The following GRXCR2 variants were observed in gnomAD, a reference collection of about 807,000 sequenced individuals.
The protein encoded by GRXCR2 is glutaredoxin and cysteine rich domain containing 2.
In GRXCR2, 23 loss-of-function variants were observed where a neutral mutation model predicts 24.8. The observed-to-expected ratio is 0.93, with a 90% confidence interval of 0.67 to 1.32. The LOEUF (loss-of-function observed/expected upper bound fraction) is 1.32, where lower values mean the gene tolerates loss of function less well. Ranked by LOEUF, GRXCR2 falls within the 40% of genes most tolerant of loss-of-function variation. The pLI is 0.00. For missense variants in GRXCR2, 315 were observed against 303.4 expected (o/e 1.04, Z -0.28); for synonymous variants, 130 against 116.1 (o/e 1.12, Z -0.77).
intron 2 of GRXCR2, among the ~76,000 whole-genome samples, chr5:145,922,995 C>T (rs759385839): frequency 2.1e-4 from 32 of 152,162 alleles, no homozygotes; most frequent in Non-Finnish European, 3.5e-4. Flanking sequence ...ATAGACAGTT[C>T]TCAAAAGGTG....
At chr5:145,858,114 G>A (rs1756267942), downstream of GRXCR2, among the ~76,000 whole-genome samples, 1 of 152,110 alleles carries the variant, frequency 6.6e-6, no homozygotes, top group East Asian at 1.9e-4. Flanking sequence ...AGGAGTTGGA[G>A]ACCAGCCTGG....
chr5:145,910,682 C>A (rs1757152763), intron 2 of GRXCR2, among the ~76,000 whole-genome samples: 1 of 152,034 alleles, frequency 6.6e-6, no homozygotes, highest in Admixed American at 6.6e-5. Flanking sequence ...GGGAAGACAA[C>A]ATAAAAGATA....
chr5:145,906,569 C>T (rs10064587), intron 2 of GRXCR2, among the ~76,000 whole-genome samples: 36,591 of 152,072 alleles, frequency 0.24, 7,140 homozygotes, highest in African/African-American at 0.53. Context: ...TCCAACAGCA[C>T]TGGAAGTAAT....
chr5:145,882,629 C>A (rs1027413294), intron 2 of GRXCR2, among the ~76,000 whole-genome samples: 5 of 152,132 alleles, frequency 3.3e-5, no homozygotes, highest in African/African-American at 1.2e-4. Flanking sequence ...CCTCAAGGAT[C>A]TAGAACTAGA....
At chr5:145,919,782 C>A (rs1051973564) in intron 2 of GRXCR2, among the ~76,000 whole-genome samples, 1 of 152,026 alleles carries the variant, frequency 6.6e-6, no homozygotes, top group Admixed American at 6.5e-5. Flanking sequence ...ATGCTTAAAA[C>A]CCCTGGGGAG....
intron 2 of GRXCR2, among the ~76,000 whole-genome samples, chr5:145,887,025 T>C (rs995318403): frequency 6.6e-6 from 1 of 152,270 alleles, no homozygotes; most frequent in Non-Finnish European, 1.5e-5. Flanking sequence ...GTTCCAATCA[T>C]ATTTAAAAGT....
At chr5:145,918,014 G>T (rs147318663) in intron 2 of GRXCR2, among the ~76,000 whole-genome samples, 13 of 152,124 alleles carry the variant, frequency 8.5e-5, no homozygotes, top group African/African-American at 3.1e-4. Flanking sequence ...TCCTGACCTC[G>T]TGATCTGCCC....
upstream of GRXCR2, among the ~76,000 whole-genome samples, chr5:145,875,867 T>C (rs1756604789): frequency 6.6e-6 from 1 of 151,910 alleles, no homozygotes; most frequent in East Asian, 2.0e-4. Flanking sequence ...TACTTCACTG[T>C]ATAGAACAAT....
upstream of GRXCR2, among the ~76,000 whole-genome samples, chr5:145,874,060 G>A (rs547250339): frequency 3.3e-5 from 5 of 152,278 alleles, no homozygotes; most frequent in East Asian, 7.7e-4. Flanking sequence ...GTAGAAAATG[G>A]TAGGTTGGAT....
chr5:145,913,046 G>C (rs985356742), intron 2 of GRXCR2, among the ~76,000 whole-genome samples: 1 of 152,302 alleles, frequency 6.6e-6, no homozygotes, highest in East Asian at 1.9e-4. Flanking sequence ...TTTTATTTCA[G>C]AGTAATTTTA....
chr5:145,904,254 C>A (rs973733889), intron 2 of GRXCR2, among the ~76,000 whole-genome samples: 1 of 152,180 alleles, frequency 6.6e-6, no homozygotes, highest in Admixed American at 6.5e-5. Context: ...TCACACCCCA[C>A]CTCCACCCTC....
chr5:145,863,850 C>T (rs1056863291), intron 2 of GRXCR2, among the ~76,000 whole-genome samples: 17 of 152,280 alleles, frequency 1.1e-4, no homozygotes, highest in African/African-American at 4.1e-4. Flanking sequence ...AGACTTCTTA[C>T]CAGCTGGCAC....
At chr5:145,925,278 T>A (rs529446887) in intron 2 of GRXCR2, among the ~76,000 whole-genome samples, 7 of 152,332 alleles carry the variant, frequency 4.6e-5, no homozygotes, top group African/African-American at 1.7e-4. Context: ...CAGAAAAAGA[T>A]AAACTATAGC....
Position 145,859,880 on chromosome 5 carries a change from G to A in GRXCR2, c.600C>T (p.Cys200=). The A allele has an allele frequency of 6.2e-7, 1 of 1,602,000 alleles. No individual in the cohort carries two copies. The highest frequency in any genetic ancestry group is 1.3e-5 in the African/African-American group (1 of 74,634). Residue 200 remains cysteine, a synonymous_variant, in exon 3 of 3, where the codon TGC becomes TGT. Transcript: ENST00000377976. ...GDIPEDSCFH[C]RGSGSATCSL... The stretch of plus-strand genomic sequence containing the variant: ...AGCAGGTGGCACTGCCCGACCCTCG[G>A]CAGTGAAAACAGCTGTCCTCGGGAA...
Position 145,866,628 on chromosome 5 carries a change from A to G in GRXCR2, c.437T>C (p.Leu146Pro). The change falls in exon 2 of 3, where the codon CTC (leucine) becomes CCC (proline). Residue 146 changes from leucine to proline, a missense_variant. Physicochemically the swap from Leu to Pro is moderately conservative, Grantham distance 98. Coordinates refer to ENST00000377976, the MANE Select transcript of GRXCR2 (RefSeq NM_001080516.2). ...TTCCTCAGCCTCCTCTTCCTTCTGG[A>G]GAATTTTCCTCACAAAATCTCTCTT... Reference protein sequence around the residue: ...MDKRDFVRKILQKEEEAEEES... With the variant: ...MDKRDFVRKIPQKEEEAEEES... The G allele has an allele frequency of 6.2e-7, 1 of 1,614,022 alleles. No individual in the cohort carries two copies. Among genetic ancestry groups the G allele is most frequent in the Non-Finnish European group, 8.5e-7 (1 of 1,179,892 alleles).
At chr5:145,897,536 A>T (rs1756967984) in intron 2 of GRXCR2, among the ~76,000 whole-genome samples, 2 of 152,206 alleles carry the variant, frequency 1.3e-5, no homozygotes, top group South Asian at 2.1e-4. Context: ...CTGTACATGG[A>T]ACATACTTCA....
At chr5:145,907,528 C>CAA (rs113587429) in intron 2 of GRXCR2, among the ~76,000 whole-genome samples, 3 of 139,816 alleles carry the variant, frequency 2.1e-5, no homozygotes, top group African/African-American at 5.2e-5. Context: ...GACTCCCTCT[C>CAA]AAAAAAAAAA....
intron 2 of GRXCR2, among the ~76,000 whole-genome samples, chr5:145,911,898 G>T (rs932622570): frequency 1.3e-5 from 2 of 152,148 alleles, no homozygotes; most frequent in Non-Finnish European, 2.9e-5. Context: ...AGACTAGCCT[G>T]GGAAACATAG....
At chr5:145,924,547 A>T (rs1757365127) in intron 2 of GRXCR2, among the ~76,000 whole-genome samples, 1 of 152,142 alleles carries the variant, frequency 6.6e-6, no homozygotes, top group African/African-American at 2.4e-5. Flanking sequence ...CGGAACCAAA[A>T]ATAAAAGTCT....
Sources: gnomAD v4.1 joint callset for allele counts (sites outside exome capture counted in the v4.1 genomes callset) on GRCh38, gnomAD v4.1.1 for gene constraint, MANE v1.5 for transcripts, NCBI Gene and HGNC (gene_info 2026-07-23, HGNC 2026-07-21) for gene names.